Variants in TBCD observed in about 807,000 individuals in gnomAD.
TBCD encodes the protein tubulin folding cofactor D.
In TBCD, 105 loss-of-function variants were observed where a neutral mutation model predicts 169.3. That is an observed-to-expected ratio of 0.62 (90% confidence interval 0.53 to 0.73). TBCD has a LOEUF of 0.73. Ranked by LOEUF, TBCD falls within the 30% of genes least tolerant of loss-of-function variation. TBCD has a pLI of 0.00. For missense variants in TBCD, 1,444 were observed against 1,600.1 expected (o/e 0.90, Z 1.66); for synonymous variants, 700 against 643.9 (o/e 1.09, Z -1.32).
Position 82,943,536 on chromosome 17 carries a change from TGGGGATGGGG to T in TBCD, c.*1074_*1083del. 6.6e-6 allele frequency: 1 copy of T among 151,778 alleles called. No homozygotes were observed. Among genetic ancestry groups the T allele is most frequent in the South Asian group, 2.1e-4 (1 of 4,798 alleles). 9.4% of individuals were successfully genotyped at this position (151,778 alleles called of 1,614,324 possible). The stretch of plus-strand genomic sequence containing the variant: ...GGTGGCTCCCTGGCCTGCTCTCAGG[TGGGGATGGGG>T]CCTGGACACAGGAACATGGGCAGGC... On this transcript the variant is annotated 3_prime_UTR_variant, in exon 39 of 39. Transcript: ENST00000355528.
chr17:82,894,223 C>G (rs2059335699), intron 17 of TBCD, among the ~76,000 whole-genome samples: 1 of 152,226 alleles, frequency 6.6e-6, no homozygotes, highest in South Asian at 2.1e-4. Context: ...AGAATTATAT[C>G]AAACTGTTTT....
In TBCD at chr17:82,915,121, G is replaced by A. The variant is rs561499298; in HGVS notation, c.2038+3332G>A. On this transcript the variant is annotated intron_variant, in intron 23 of 38. Transcript: ENST00000355528. This position sits in a 1 kb window ranked among gnomAD's most constrained non-coding sequence, Gnocchi z 4.3. Reference sequence around the variant, plus strand: ...CGGGGTGAGAAATCTGCGGGTTCACGGGCTACATGTGGGAGACGGGGAGGG... The same window carrying A: ...CGGGGTGAGAAATCTGCGGGTTCACAGGCTACATGTGGGAGACGGGGAGGG... Among the ~76,000 whole-genome samples the A allele has an allele frequency of 2.2e-4, 33 of 152,216 alleles. 1 individual carries two copies. In the South Asian group the frequency reaches 6.9e-3, roughly 32 times the overall value.
At position 82,923,669 on chromosome 17, in the gene TBCD, C is replaced by T. The variant is rs1433248311; in HGVS notation, c.2196C>T (p.Ala732=). 2 of 1,586,678 alleles carry T rather than the reference C, an allele frequency of 1.3e-6. No homozygotes were observed. The highest frequency in any genetic ancestry group is 1.3e-5 in the African/African-American group (1 of 74,438). Residue 732 remains alanine (A), a synonymous_variant, in exon 26 of 39, where the codon GCC becomes GCT. Coordinates refer to ENST00000355528, the MANE Select transcript of TBCD (RefSeq NM_005993.5). This position sits in a 1 kb window ranked among gnomAD's most constrained non-coding sequence, Gnocchi z 4.6. ...RQQMKDAAVS[A]LAALCSEYYM... is the part of the protein sequence containing the mutation. ...TGTTTTAGGATGCAGCAGTCTCGGC[C>T]CTGGCTGCTCTATGCAGTGAATATT...
intron 15 of TBCD, among the ~76,000 whole-genome samples, chr17:82,887,168 T>TGTGTGTGTGTGTGTGCGCGC: frequency 8.2e-4 from 103 of 126,176 alleles, no homozygotes; most frequent in South Asian, 1.5e-3. Flanking sequence ...TGTGTGTGTG[T>TGTGTGTGTGTGTGTGCGCGC]GCGCGCGCGC....
chr17:82,799,433 C>T (rs1650289611), intron 8 of TBCD, among the ~76,000 whole-genome samples: 1 of 68,672 alleles, frequency 1.5e-5, no homozygotes, highest in African/African-American at 6.3e-5. Context: ...CAGAGCAAGA[C>T]TCTGTCTCAA....
Position 82,817,126 on chromosome 17 carries a change from C to T in TBCD, c.1318+2192C>T, listed in dbSNP as rs114472776. Among the ~76,000 whole-genome samples the T allele has an allele frequency of 7.5e-3, 1,136 of 152,080 alleles. 10 individuals are homozygous for T. Among genetic ancestry groups the T allele is most frequent in the African/African-American group, 0.026 (1,084 of 41,444 alleles). Reference sequence around the variant, plus strand: ...AATGTTTTATTGCGTTCCATGGTTGCCTTTTCACTTTCTATTGATTGATTG... The same window carrying T: ...AATGTTTTATTGCGTTCCATGGTTGTCTTTTCACTTTCTATTGATTGATTG... On this transcript the variant is annotated intron_variant, in intron 13 of 38. Transcript: ENST00000355528.
intron 7 of TBCD, among the ~76,000 whole-genome samples, chr17:82,792,168 C>T (rs1011637812): frequency 9.9e-5 from 15 of 152,050 alleles, no homozygotes; most frequent in South Asian, 4.2e-4. Flanking sequence ...ATTAGCCGGG[C>T]GTGGTGGCGG....
chr17:82,773,897 T>A (rs2048430471), intron 6 of TBCD, among the ~76,000 whole-genome samples: 1 of 151,854 alleles, frequency 6.6e-6, no homozygotes, highest in Non-Finnish European at 1.5e-5. Flanking sequence ...CAGCTAATTT[T>A]TTTTTGTATT....
chr17:82,757,337 T>G, intron 2 of TBCD, among the ~76,000 whole-genome samples: 1 of 152,136 alleles, frequency 6.6e-6, no homozygotes, highest in East Asian at 1.9e-4. Context: ...ATAACAGATT[T>G]TGGCTGGGGG....
intron 18 of TBCD, among the ~76,000 whole-genome samples, chr17:82,902,494 G>A (rs1364721765): frequency 6.6e-6 from 1 of 152,224 alleles, no homozygotes; most frequent in Admixed American, 6.5e-5. Flanking sequence ...GCATGCAGTT[G>A]GGTGTCGCTC....
chr17:82,933,314 T>C (rs1309311278), intron 34 of TBCD, among the ~76,000 whole-genome samples: 1 of 149,462 alleles, frequency 6.7e-6, no homozygotes, highest in Admixed American at 6.7e-5. Context: ...TAGCTCTGTT[T>C]CCCAGGCTGG....
chr17:82,849,131 T>C (rs78518532), intron 13 of TBCD, among the ~76,000 whole-genome samples: 28 of 42,876 alleles, frequency 6.5e-4, no homozygotes, highest in East Asian at 7.5e-4. Flanking sequence ...ACCTCGATGT[T>C]CCCCTCTGCC....
chr17:82,758,648 C>CTTTTTTTTTTTCTTTTTTTTTTTT (rs2047573466), intron 2 of TBCD, among the ~76,000 whole-genome samples: 1 of 115,030 alleles, frequency 8.7e-6, no homozygotes, highest in African/African-American at 3.4e-5. Context: ...CACCCTTTTG[C>CTTTTTTTTTTTCTTTTTTTTTTTT]TTTTTTTTTT....
rs1568101071 is a variant in TBCD at position 82,938,147 on chromosome 17, GC to G, written c.3369+15del. On this transcript the variant is annotated intron_variant, in intron 36 of 38. Coordinates refer to ENST00000355528, the MANE Select transcript of TBCD (RefSeq NM_005993.5). ...CACCGTTTCCCGCTGGTGAGTGCCTGCCCCTGCTCACGTGTGTTTGCCGTGT... is the reference window on the plus strand; with the variant it reads ...CACCGTTTCCCGCTGGTGAGTGCCTGCCCTGCTCACGTGTGTTTGCCGTGT... 6.2e-7 allele frequency: 1 copy of G among 1,610,388 alleles called. No homozygotes were observed. Among genetic ancestry groups the G allele is most frequent in the South Asian group, 1.1e-5 (1 of 90,584 alleles).
In TBCD at chr17:82,903,468, C is replaced by T. The variant is rs374405509; in HGVS notation, c.1794C>T (p.Ser598=). The change falls in exon 19 of 39, where the codon AGC becomes AGT. Residue 598 remains serine (S), a synonymous_variant. Transcript: ENST00000355528. The surrounding 1 kb of genome is among the most constrained non-coding windows in gnomAD (Gnocchi z 4.8). ...HNLAQQAPEF[S]ATQVFPRLLS... Reference sequence around the variant, plus strand: ...TGGCCCAGCAGGCACCCGAGTTCAGCGCCACGCAAGGTGGGTGTGTGTCCC... The same window carrying T: ...TGGCCCAGCAGGCACCCGAGTTCAGTGCCACGCAAGGTGGGTGTGTGTCCC... The T allele has an allele frequency of 1.0e-4, 165 of 1,595,346 alleles. No individual in the cohort carries two copies. The South Asian group carries it at 1.1e-3, about 10-fold the overall frequency.
At chr17:82,766,218 GCT>G (rs766194757) in intron 3 of TBCD, 47 bp from the exon 4 acceptor site, 11 of 1,503,144 alleles carry the variant, frequency 7.3e-6, no homozygotes, top group African/African-American at 2.8e-5. Flanking sequence ...CAATTTTGCT[GCT>G]CTCTGTATTT....
chr17:82,764,102 T>C (rs2143955106), intron 3 of TBCD, 40 bp downstream of exon 3: 1 of 1,479,158 alleles, frequency 6.8e-7, no homozygotes, highest in Non-Finnish European at 9.4e-7. Flanking sequence ...CAGATACTTT[T>C]GTAATATACT....
intron 21 of TBCD, chr17:82,908,147 C>T: frequency 2.5e-6 from 1 of 398,344 alleles, no homozygotes. Context: ...GAGGTTTCGG[C>T]TGCAGCTGGA....
At position 82,831,617 on chromosome 17, in the gene TBCD, C is replaced by T; in HGVS notation, c.1318+16683C>T. On this transcript the variant is annotated intron_variant, in intron 13 of 38. Transcript: ENST00000355528. This position sits in a 1 kb window ranked among gnomAD's most constrained non-coding sequence, Gnocchi z 4.6. ...GGGTGAGGCAGGAAGTGTCTCGGGTCTTGGGTTCCGTAGACTGACAGCAGG... is the reference window on the plus strand; with the variant it reads ...GGGTGAGGCAGGAAGTGTCTCGGGTTTTGGGTTCCGTAGACTGACAGCAGG... The T allele has an allele frequency of 6.2e-7, 1 of 1,614,046 alleles. No individual in the cohort carries two copies. Among genetic ancestry groups the T allele is most frequent in the African/African-American group, 1.3e-5 (1 of 74,968 alleles).
Sources: allele counts gnomAD v4.1 joint callset (sites outside exome capture counted in the v4.1 genomes callset), GRCh38; gene constraint gnomAD v4.1.1; non-coding constraint Gnocchi (gnomAD v3.1); transcripts MANE v1.5; gene names NCBI Gene and HGNC (gene_info 2026-07-23, HGNC 2026-07-21).